SNRNP200: variants seen among roughly 807,000 people sequenced by gnomAD.
The protein encoded by SNRNP200 is small nuclear ribonucleoprotein U5 subunit 200.
SNRNP200 carries 66 observed loss-of-function variants against 255.2 expected under a neutral mutation model. The ratio of observed to expected loss-of-function variants is 0.26; its 90% confidence interval spans 0.21 to 0.32. The LOEUF is 0.32. Ranked by LOEUF, SNRNP200 falls within the 10% of genes least tolerant of loss-of-function variation. The pLI is 1.00. For missense variants in SNRNP200, 1,585 were observed against 2,749.8 expected, an observed-to-expected ratio of 0.58 and a Z score of 9.47; for synonymous variants, 939 against 1,027.8, an observed-to-expected ratio of 0.91 and a Z score of 1.65.
Position 96,290,653 on chromosome 2 carries a change from C to T in SNRNP200, c.2553+31G>A. On this transcript the variant is annotated intron_variant, in intron 19 of 44. Coordinates refer to ENST00000323853, the MANE Select transcript of SNRNP200 (RefSeq NM_014014.5). The surrounding 1 kb of genome is among the most constrained non-coding windows in gnomAD (Gnocchi z 4.5). Reference sequence around the variant, plus strand: ...GCATTTCAGGCAAGGATACTGATCCCTGCTGAGAATAAACTCAAAAGGCTC... The same window carrying T: ...GCATTTCAGGCAAGGATACTGATCCTTGCTGAGAATAAACTCAAAAGGCTC... The T allele has an allele frequency of 6.2e-7, 1 of 1,614,036 alleles. No homozygotes were observed. Among genetic ancestry groups the T allele is most frequent in the East Asian group, 2.2e-5 (1 of 44,884 alleles).
At position 96,297,549 on chromosome 2, in the gene SNRNP200, A is replaced by G. The variant is rs373039327; in HGVS notation, c.1204-13T>C. ...GTGGAGCCAGTGCCTGGGAATGTGAAAGACAAAAACACAAAGGAAGTAAGC... is the reference window on the plus strand; with the variant it reads ...GTGGAGCCAGTGCCTGGGAATGTGAGAGACAAAAACACAAAGGAAGTAAGC... On this transcript the variant is annotated splice_polypyrimidine_tract_variant and intron_variant, in intron 10 of 44. Coordinates refer to ENST00000323853, the MANE Select transcript of SNRNP200 (RefSeq NM_014014.5). 3 of 1,614,068 alleles carry G rather than the reference A, an allele frequency of 1.9e-6. No individual in the cohort carries two copies. The African/African-American group carries it at 4.0e-5, about 22-fold the overall frequency.
chr2:96,283,897 C>T lies in SNRNP200; in HGVS notation c.4500G>A (p.Val1500=), dbSNP rs1269531940. 6 of 1,596,184 alleles carry T rather than the reference C, an allele frequency of 3.8e-6. No individual in the cohort carries two copies. The South Asian group carries it at 6.8e-5, about 18-fold the overall frequency. The change falls in exon 32 of 45, where the codon GTG becomes GTA. Residue 1500 remains valine (V), a synonymous_variant. Coordinates refer to ENST00000323853, the MANE Select transcript of SNRNP200 (RefSeq NM_014014.5). The surrounding 1 kb of genome is among the most constrained non-coding windows in gnomAD (Gnocchi z 4.7). ...LSSSLSNAKD[V]AHWLGCSATS... ...TGGCACTGCAGCCCAGCCAGTGGGC[C>T]ACATCCTTGGCATTGGAGAGCGAAG...
At chr2:96,302,421 T>C (rs189910135) in intron 3 of SNRNP200, among the ~76,000 whole-genome samples, 40 of 152,300 alleles carry the variant, frequency 2.6e-4, no homozygotes, top group African/African-American at 8.2e-4. Context: ...TCTGGCCACC[T>C]CACTCTGAGA....
rs113462349 is a variant in SNRNP200, at chr2:96,300,719, G to A, written c.630+279C>T. Reference sequence around the variant, plus strand: ...GCAGAGCTTGCAGTGAGCCGAGATCGCACCACTGCACTCCAGCCTGGGCGA... The same window carrying A: ...GCAGAGCTTGCAGTGAGCCGAGATCACACCACTGCACTCCAGCCTGGGCGA... On this transcript the variant is annotated intron_variant, in intron 5 of 44. Transcript: ENST00000323853. Among the ~76,000 whole-genome samples the A allele has an allele frequency of 2.5e-3, 384 of 151,620 alleles. 2 individuals are homozygous for A. Among genetic ancestry groups the A allele is most frequent in the African/African-American group, 8.5e-3 (352 of 41,252 alleles).
rs149616320 is a variant in SNRNP200 at position 96,289,939 on chromosome 2, T to C, written c.2800A>G (p.Thr934Ala). ...TCATCATGAGAGATGCCATAGAGGG[T>C]TGGGGATCGCAGCATTCGGATATAG... is the stretch of plus-strand genomic sequence containing the variant. The part of the protein sequence containing the change: ...YLYIRMLRSP[T>A]LYGISHDDLK... The change falls in exon 21 of 45, where the codon ACC (threonine) becomes GCC (alanine). Residue 934 changes from threonine (T) to alanine (A), a missense_variant. By Grantham distance (58) the Thr-to-Ala change is moderately conservative (BLOSUM62 0). Coordinates refer to ENST00000323853, the MANE Select transcript of SNRNP200 (RefSeq NM_014014.5). 1.4e-3 allele frequency: 2,203 copies of C among 1,613,986 alleles called. 35 individuals are homozygous for C. In the South Asian group the frequency reaches 0.017, roughly 12 times the overall value.
In SNRNP200 at chr2:96,287,276, C is replaced by A; in HGVS notation, c.3485-116G>T. On this transcript the variant is annotated intron_variant, in intron 26 of 44. Coordinates refer to ENST00000323853, the MANE Select transcript of SNRNP200 (RefSeq NM_014014.5). This position sits in a 1 kb window ranked among gnomAD's most constrained non-coding sequence, Gnocchi z 5.7. ...GTCTTCCCTTTATGGTCAGTGGAGC[C>A]CAGGATTCCAAGTCCCCAGACCAAG... is the stretch of plus-strand genomic sequence containing the variant. The A allele has an allele frequency of 7.2e-7, 1 of 1,393,386 alleles. No individual in the cohort carries two copies. The highest frequency in any genetic ancestry group is 1.2e-5 in the South Asian group (1 of 85,838). 86.3% of individuals were successfully genotyped at this position (1,393,386 alleles called of 1,614,324 possible).
In SNRNP200 at chr2:96,289,317, G is replaced by T. The variant is rs2063869022; in HGVS notation, c.3003C>A (p.Tyr1001Ter). 2 of 1,614,072 alleles carry T rather than the reference G, an allele frequency of 1.2e-6. No homozygotes were observed. The highest frequency in any genetic ancestry group is 1.7e-6 in the Non-Finnish European group (2 of 1,180,026). ...YYITNDTVQT[Y>*]NQLLKPTLSE... ...TCAGGGTGGGCTTCAGCAGCTGGTT[G>T]TAAGTCTGCACTGTATCATTGGTGA... The change falls in exon 22 of 45, where the codon TAC becomes TAA. Residue 1001 changes from tyrosine to a stop codon, truncating the protein, a stop_gained. Coordinates refer to ENST00000323853, the MANE Select transcript of SNRNP200 (RefSeq NM_014014.5). LOFTEE classifies it high-confidence loss of function.
chr2:96,288,786 T>C (rs761074094), intron 23 of SNRNP200, 40 bp from the exon 24 acceptor site: 2 of 1,534,610 alleles, frequency 1.3e-6, no homozygotes, highest in Non-Finnish European at 9.0e-7. Flanking sequence ...GACCAATCAC[T>C]GAACAGTCCA....
In SNRNP200 at chr2:96,278,044, C is replaced by A; in HGVS notation, c.5611-94G>T. The A allele has an allele frequency of 6.4e-7, 1 of 1,566,292 alleles. No individual in the cohort carries two copies. On this transcript the variant is annotated intron_variant, in intron 39 of 44. Transcript: ENST00000323853. The surrounding 1 kb of genome is among the most constrained non-coding windows in gnomAD (Gnocchi z 6.9). ...CACCACGTGGCCCAGGCTCACACAG[C>A]CCTTCAACACCCTGAGGCATGTGGG...
intron 16 of SNRNP200, among the ~76,000 whole-genome samples, chr2:96,292,519 A>G (rs913356674): frequency 1.3e-5 from 2 of 152,088 alleles, no homozygotes; most frequent in Non-Finnish European, 2.9e-5. Flanking sequence ...CTAGTTTTTC[A>G]TTTTCCTCTT....
intron 1 of SNRNP200, among the ~76,000 whole-genome samples, chr2:96,305,138 G>A (rs1558773800): frequency 6.6e-6 from 1 of 152,152 alleles, no homozygotes; most frequent in Non-Finnish European, 1.5e-5. Flanking sequence ...TAGTGAGTGG[G>A]TTGGGAGTGA....
chr2:96,287,169 A>T lies in SNRNP200; in HGVS notation c.3485-9T>A. 1 of 1,614,222 alleles carries T rather than the reference A, an allele frequency of 6.2e-7. No homozygotes were observed. The highest frequency in any genetic ancestry group is 1.7e-4 in the Middle Eastern group (1 of 6,060). ...CATGCGGATAAGCTCCCCTACAAGG[A>T]AATGAGAGTACTGAGGCTGCAGCCC... On this transcript the variant is annotated splice_polypyrimidine_tract_variant and intron_variant, in intron 26 of 44. Transcript: ENST00000323853. The surrounding 1 kb of genome is among the most constrained non-coding windows in gnomAD (Gnocchi z 5.7).
At chr2:96,294,007 A>G (rs1558769410) in intron 14 of SNRNP200, among the ~76,000 whole-genome samples, 1 of 152,054 alleles carries the variant, frequency 6.6e-6, no homozygotes, top group Non-Finnish European at 1.5e-5. Flanking sequence ...CAAATCCTGC[A>G]TTTCTAACAA....
chr2:96,298,839 T>G lies in SNRNP200; in HGVS notation c.858A>C (p.Ala286=). Residue 286 remains alanine, a synonymous_variant, in exon 7 of 45, where the codon GCA becomes GCC. Transcript: ENST00000323853. ...CCTTCAAAATCTCCAATACTTCATCTGCCTTCTTCTGCGACACGATGGCAT... is the reference window on the plus strand; with the variant it reads ...CCTTCAAAATCTCCAATACTTCATCGGCCTTCTTCTGCGACACGATGGCAT... ...YDDAIVSQKK[A]DEVLEILKTA... 1 of 1,614,216 alleles carries G rather than the reference T, an allele frequency of 6.2e-7. No individual in the cohort carries two copies.
Position 96,283,396 on chromosome 2 carries a change from C to T in SNRNP200, c.4764-44G>A. On this transcript the variant is annotated intron_variant, in intron 33 of 44. Transcript: ENST00000323853. The surrounding 1 kb of genome is among the most constrained non-coding windows in gnomAD (Gnocchi z 4.7). ...GGCTCAGCTCAGAGTAGTTCAATTC[C>T]TGGCAGACACTTTGCCAGCTGTGCA... 6.2e-7 allele frequency: 1 copy of T among 1,613,984 alleles called. No homozygotes were observed. Among genetic ancestry groups the T allele is most frequent in the Non-Finnish European group, 8.5e-7 (1 of 1,180,006 alleles).
At position 96,277,772 on chromosome 2, in the gene SNRNP200, ACCACTGACC is replaced by A. The variant is rs1161673851; in HGVS notation, c.5754+26_5754+34del. On this transcript the variant is annotated intron_variant, in intron 40 of 44. Transcript: ENST00000323853. This position sits in a 1 kb window ranked among gnomAD's most constrained non-coding sequence, Gnocchi z 4.4. The stretch of plus-strand genomic sequence containing the variant: ...GAGTTGGAGCTGAGATGTTTAGAGC[ACCACTGACC>A]CCTCTGCCCCACACCCACACTCTAC... 2.5e-6 allele frequency: 4 copies of A among 1,614,010 alleles called. No individual in the cohort carries two copies. The highest frequency in any genetic ancestry group is 3.4e-6 in the Non-Finnish European group (4 of 1,180,018).
chr2:96,290,578 A>C lies in SNRNP200; in HGVS notation c.2554-64T>G, dbSNP rs2063878320. On this transcript the variant is annotated intron_variant, in intron 19 of 44. Coordinates refer to ENST00000323853, the MANE Select transcript of SNRNP200 (RefSeq NM_014014.5). This position sits in a 1 kb window ranked among gnomAD's most constrained non-coding sequence, Gnocchi z 4.5. The stretch of plus-strand genomic sequence containing the variant: ...AGAATGTCTGAATTTTGATGCAGGT[A>C]TCTACATTACAGAACTAGACCTCTG... 5.6e-6 allele frequency: 9 copies of C among 1,611,392 alleles called. No individual in the cohort carries two copies. The highest frequency in any genetic ancestry group is 7.6e-6 in the Non-Finnish European group (9 of 1,177,672).
chr2:96,302,982 G>A (rs1465700324), intron 3 of SNRNP200, among the ~76,000 whole-genome samples, 177 bp downstream of exon 3: 1 of 152,030 alleles, frequency 6.6e-6, no homozygotes, highest in Non-Finnish European at 1.5e-5. Flanking sequence ...CATTATGTAG[G>A]CATGATTGAT....
At position 96,290,097 on chromosome 2, in the gene SNRNP200, T is replaced by C; in HGVS notation, c.2743-101A>G. On this transcript the variant is annotated intron_variant, in intron 20 of 44. Coordinates refer to ENST00000323853, the MANE Select transcript of SNRNP200 (RefSeq NM_014014.5). The surrounding 1 kb of genome is among the most constrained non-coding windows in gnomAD (Gnocchi z 4.5). ...AGAAATTAATTCCCAACTACAAGGA[T>C]GCATATTACATCGTATTCTGAATGT... The C allele has an allele frequency of 1.8e-6, 2 of 1,132,630 alleles. No individual in the cohort carries two copies. Among genetic ancestry groups the C allele is most frequent in the Non-Finnish European group, 2.7e-6 (2 of 746,150 alleles). 70.2% of individuals were successfully genotyped at this position (1,132,630 alleles called of 1,614,324 possible). A position where few individuals can be genotyped will look rare whatever the true frequency, so the allele number is the denominator to read the frequency against.
Sources: gnomAD v4.1 joint callset for allele counts (sites outside exome capture counted in the v4.1 genomes callset) on GRCh38, gnomAD v4.1.1 for gene constraint, Gnocchi (gnomAD v3.1) non-coding constraint, MANE v1.5 for transcripts, NCBI Gene and HGNC (gene_info 2026-07-23, HGNC 2026-07-21) for gene names.